TCF7L2: variants seen among roughly 807,000 people sequenced by gnomAD.
The protein encoded by TCF7L2 is transcription factor 7 like 2.
A neutral mutation model predicts 77.9 loss-of-function variants in TCF7L2; 23 were observed. That is an observed-to-expected ratio of 0.30 (90% CI 0.21 to 0.42). The LOEUF is 0.42. TCF7L2 is among the 10% of genes least tolerant of loss of function. TCF7L2 has a pLI of 1.00. For synonymous variants in TCF7L2, 413 were observed against 340.2 expected, an observed-to-expected ratio of 1.21 and a Z score of -2.36; for missense variants, 654 against 793.1, an observed-to-expected ratio of 0.82 and a Z score of 2.11.
intron 5 of TCF7L2, among the ~76,000 whole-genome samples, chr10:113,128,863 T>A (rs1419634098): frequency 6.6e-6 from 1 of 152,124 alleles, no homozygotes; most frequent in Non-Finnish European, 1.5e-5. Flanking sequence ...CTGGATCCCA[T>A]AAGAGCCCCA....
chr10:112,983,324 A>G (rs1273352075), intron 4 of TCF7L2, among the ~76,000 whole-genome samples: 1 of 151,948 alleles, frequency 6.6e-6, no homozygotes, highest in Admixed American at 6.6e-5. Flanking sequence ...ACAAAAAATT[A>G]GCAGGGCATG....
At chr10:113,164,143 G>A (rs1006094959) in intron 13 of TCF7L2, among the ~76,000 whole-genome samples, 6 of 152,170 alleles carry the variant, frequency 3.9e-5, no homozygotes, top group African/African-American at 1.4e-4. Context: ...CATTAGTGGG[G>A]TTGATCCCCA....
At chr10:113,116,109 T>G (rs2136183057) in intron 5 of TCF7L2, among the ~76,000 whole-genome samples, 1 of 152,282 alleles carries the variant, frequency 6.6e-6, no homozygotes, top group East Asian at 1.9e-4. Flanking sequence ...GAAATGTTTG[T>G]CTTAGGAGCA....
At chr10:113,055,780 A>G (rs1440001316) in intron 5 of TCF7L2, among the ~76,000 whole-genome samples, 1 of 152,182 alleles carries the variant, frequency 6.6e-6, no homozygotes, top group Non-Finnish European at 1.5e-5. Flanking sequence ...TTTAAATTTT[A>G]ATGCCCTCAA....
At position 113,040,365 on chromosome 10, in the gene TCF7L2, G is replaced by C. The variant is rs535861989; in HGVS notation, c.552+239G>C. 2.0e-4 allele frequency among the ~76,000 whole-genome samples: 30 copies of C among 152,234 alleles called. No homozygotes were observed. In the South Asian group the frequency reaches 6.0e-3, roughly 31 times the overall value. On this transcript the variant is annotated intron_variant, in intron 5 of 13. Transcript: ENST00000627217. ...TTCCTCCACTCTTTTCCATGTATTT[G>C]GTTAAAATCTAGCCTTGTGGGCTCT...
intron 4 of TCF7L2, among the ~76,000 whole-genome samples, chr10:112,999,152 C>CTTT (rs2044026688): frequency 6.6e-6 from 1 of 152,240 alleles, no homozygotes; most frequent in Non-Finnish European, 1.5e-5. Context: ...TTAAGCAGTG[C>CTTT]CTTTCCCCAT....
chr10:113,043,399 A>T (rs1488606135), intron 5 of TCF7L2, among the ~76,000 whole-genome samples: 1 of 152,230 alleles, frequency 6.6e-6, no homozygotes, highest in African/African-American at 2.4e-5. Flanking sequence ...TTACATTAAG[A>T]ATAGACTCCA....
rs1430779515 is a variant in TCF7L2 at position 113,167,258 on chromosome 10, C to T, written c.*1286C>T. 4.4e-6 allele frequency: 1 copy of T among 228,250 alleles called. No homozygotes were observed. The allele number at this position is 228,250 out of a possible 1,614,324, so 14.1% of individuals were successfully genotyped here. On this transcript the variant is annotated 3_prime_UTR_variant, in exon 14 of 14. Coordinates refer to ENST00000627217, the MANE Select transcript of TCF7L2 (RefSeq NM_001146274.2). ...TGAAGAGGTATAAACCCTTAAGGGC[C>T]AAAATTCTGTATATTAGATTACTCT... is the stretch of plus-strand genomic sequence containing the variant.
chr10:112,980,229 G>C (rs192408510), intron 4 of TCF7L2, among the ~76,000 whole-genome samples: 1 of 152,222 alleles, frequency 6.6e-6, no homozygotes. Context: ...TCCGCTTTGC[G>C]GGTTAGAATG....
chr10:113,154,648 A>G (rs745926101), intron 11 of TCF7L2, among the ~76,000 whole-genome samples: 15 of 152,108 alleles, frequency 9.9e-5, no homozygotes, highest in Non-Finnish European at 1.9e-4. Context: ...TAGAGAAAGT[A>G]TTGCTCGAGG....
At chr10:113,034,877 C>CA (rs1401176187) in intron 4 of TCF7L2, among the ~76,000 whole-genome samples, 1 of 152,188 alleles carries the variant, frequency 6.6e-6, no homozygotes. Context: ...GCCTAGGCAA[C>CA]AGAGTAAGAC....
chr10:112,972,991 C>G (rs772769973), intron 4 of TCF7L2, among the ~76,000 whole-genome samples: 2 of 152,220 alleles, frequency 1.3e-5, no homozygotes, highest in African/African-American at 2.4e-5. Context: ...GTAATGCTCA[C>G]AGTGGTCTAG....
rs1411956892 is a variant in TCF7L2, at chr10:112,951,374, C to T, written c.256+101C>T. On this transcript the variant is annotated intron_variant, in intron 2 of 13. Transcript: ENST00000627217. ...CGCCCGGCTCGGCCTGGCCCTGCGC[C>T]GGCCCGGTCGGGGCGCCCGGCCCCT... 3.6e-5 allele frequency: 40 copies of T among 1,111,252 alleles called. No individual in the cohort carries two copies. The Admixed American group carries it at 7.8e-4, about 22-fold the overall frequency. 68.8% of individuals were successfully genotyped at this position (1,111,252 alleles called of 1,614,324 possible). A position where few individuals can be genotyped will look rare whatever the true frequency, so the allele number is the denominator to read the frequency against.
intron 5 of TCF7L2, chr10:113,089,453 CT>C (rs1341623363): frequency 6.2e-7 from 1 of 1,613,884 alleles, no homozygotes; most frequent in Non-Finnish European, 8.5e-7. Context: ...TCTACCCCCC[CT>C]CAGACTTCAC....
At chr10:113,051,242 C>CACAG (rs1473680031) in intron 5 of TCF7L2, among the ~76,000 whole-genome samples, 24 of 148,466 alleles carry the variant, frequency 1.6e-4, no homozygotes, top group African/African-American at 6.1e-4. Flanking sequence ...CACACACACA[C>CACAG]AGACACATAC....
intron 5 of TCF7L2, among the ~76,000 whole-genome samples, chr10:113,081,765 G>A (rs1042678665): frequency 2.0e-5 from 3 of 152,192 alleles, no homozygotes; most frequent in Non-Finnish European, 2.9e-5. Context: ...GGATGTCCTC[G>A]AAATTAGATG....
chr10:113,089,269 TC>T, intron 5 of TCF7L2: 7 of 1,026,826 alleles, frequency 6.8e-6, no homozygotes, highest in Non-Finnish European at 9.6e-6. Flanking sequence ...GGAACTGTAA[TC>T]CCTCTATCAT....
intron 5 of TCF7L2, among the ~76,000 whole-genome samples, chr10:113,101,881 A>G (rs1346780482): frequency 2.4e-4 from 33 of 136,572 alleles, no homozygotes; most frequent in Non-Finnish European, 4.0e-4. Context: ...GCTCATGCCT[A>G]TAATCCCAGC....
chr10:112,971,355 C>T (rs1417222804), intron 4 of TCF7L2, among the ~76,000 whole-genome samples: 1 of 152,062 alleles, frequency 6.6e-6, no homozygotes, highest in Non-Finnish European at 1.5e-5. Flanking sequence ...AGTTTTTCCT[C>T]TGCCTTGCTC....
Sources: gnomAD v4.1 joint callset for allele counts (sites outside exome capture counted in the v4.1 genomes callset) on GRCh38, gnomAD v4.1.1 for gene constraint, MANE v1.5 for transcripts, NCBI Gene and HGNC (gene_info 2026-07-23, HGNC 2026-07-21) for gene names.